RMI1: variants seen among roughly 807,000 people sequenced by gnomAD.
RMI1 encodes recQ-mediated genome instability protein 1.
A neutral mutation model predicts 46.7 loss-of-function variants in RMI1; 36 were observed. That is an observed-to-expected ratio of 0.77 (90% CI 0.59 to 1.02). The LOEUF is 1.02. RMI1 is among the 50% of genes least tolerant of loss of function. RMI1 has a pLI of 0.00. For synonymous variants in RMI1, 250 were observed against 252.9 expected (o/e 0.99, Z 0.11); for missense variants, 676 against 713.7 (o/e 0.95, Z 0.60).
intron 1 of RMI1, among the ~76,000 whole-genome samples, chr9:83,992,117 A>G (rs1957583834): frequency 6.6e-6 from 1 of 152,234 alleles, no homozygotes; most frequent in African/African-American, 2.4e-5. Context: ...CCATGAACAC[A>G]TCCATATCTC....
At chr9:83,989,799 A>G (rs1957542553) in intron 1 of RMI1, among the ~76,000 whole-genome samples, 1 of 152,208 alleles carries the variant, frequency 6.6e-6, no homozygotes, top group South Asian at 2.1e-4. Context: ...TCCTCAAAAA[A>G]ATCAAAATAG....
chr9:83,999,560 CA>C (rs953906743), intron 1 of RMI1, 148 bp from the exon 2 acceptor site: 3 of 152,124 alleles, frequency 2.0e-5, no homozygotes, highest in African/African-American at 7.2e-5. Context: ...GAAAAGGAAA[CA>C]GGCTTAGAGA....
At position 84,002,505 on chromosome 9, in the gene RMI1, A is replaced by G. The variant is rs762300624; in HGVS notation, c.1519A>G (p.Thr507Ala). The G allele has an allele frequency of 8.1e-6, 13 of 1,614,030 alleles. No individual in the cohort carries two copies. The highest frequency in any genetic ancestry group is 3.3e-5 in the Admixed American group (2 of 60,022). The change falls in exon 3 of 3, where the codon ACA becomes GCA. Residue 507 changes from threonine (T) to alanine (A), a missense_variant. By Grantham distance (58) the Thr-to-Ala change is moderately conservative. Coordinates refer to ENST00000445877, the MANE Select transcript of RMI1 (RefSeq NM_001358291.2). ...GGCCAGCAAACCAAAGGAAGTTACA[A>G]CAGTGAAAGTGAAAGCATTTATTGT... is the stretch of plus-strand genomic sequence containing the variant. ...LMASKPKEVT[T>A]VKVKAFIVTL...
In RMI1 at chr9:84,002,238, G is replaced by T; in HGVS notation, c.1252G>T (p.Glu418Ter). Residue 418 changes from glutamate to a stop codon, truncating the protein, a stop_gained, in exon 3 of 3, where the codon GAA (glutamate) becomes TAA (stop). Coordinates refer to ENST00000445877, the MANE Select transcript of RMI1 (RefSeq NM_001358291.2). LOFTEE classifies it high-confidence loss of function. ...CTTAGCCCATGATTTTACAAATAAA[G>T]AAAAGAACTTAGAGACAGATAATAA... ...VPLAHDFTNK[E>*]KNLETDNKIK... The T allele has an allele frequency of 1.2e-6, 2 of 1,606,210 alleles. No homozygotes were observed. Among genetic ancestry groups the T allele is most frequent in the Non-Finnish European group, 1.7e-6 (2 of 1,177,944 alleles).
At chr9:83,987,115 G>C (rs796002) in intron 1 of RMI1, among the ~76,000 whole-genome samples, 75,407 of 151,798 alleles carry the variant, frequency 0.5, 18,976 homozygotes, top group Middle Eastern at 0.61. Flanking sequence ...CCATGCTGGA[G>C]TGCAGTGGGA....
chr9:84,001,742 T>TG lies in RMI1; in HGVS notation c.757dup (p.Glu253GlyfsTer3), dbSNP rs774349253. On this transcript the variant is annotated frameshift_variant, in exon 3 of 3. Transcript: ENST00000445877. LOFTEE classifies it high-confidence loss of function. ...ATGAAGAACTCTTGGCAAGTCTTGA[T>TG]GAAAATGATGAGCTTACAGCAAATA... The TG allele has an allele frequency of 3.1e-6, 5 of 1,613,902 alleles. No homozygotes were observed. The African/African-American group carries it at 6.7e-5, about 22-fold the overall frequency.
At chr9:83,981,774 G>C (rs540581518) in intron 1 of RMI1, among the ~76,000 whole-genome samples, 105 of 152,302 alleles carry the variant, frequency 6.9e-4, no homozygotes, top group African/African-American at 2.4e-3. Context: ...CTGTTATAAT[G>C]TTTCCTTCTT....
intron 1 of RMI1, among the ~76,000 whole-genome samples, chr9:83,992,123 ATC>A (rs1211393128): frequency 1.3e-5 from 2 of 152,182 alleles, no homozygotes; most frequent in African/African-American, 4.8e-5. Context: ...ACACATCCAT[ATC>A]TCTCCATTTG....
At chr9:83,984,592 G>A (rs979414755) in intron 1 of RMI1, among the ~76,000 whole-genome samples, 3 of 150,390 alleles carry the variant, frequency 2.0e-5, no homozygotes, top group African/African-American at 2.4e-5. Flanking sequence ...ACAAAGTTTC[G>A]TTCTTGTTGC....
chr9:83,980,804 G>C (rs898308806), upstream of RMI1: 1 of 152,354 alleles, frequency 6.6e-6, no homozygotes, highest in African/African-American at 2.4e-5. Context: ...GGTAAAAAAG[G>C]AACTGGGAGC....
chr9:83,996,674 C>G (rs570730331), intron 1 of RMI1, among the ~76,000 whole-genome samples: 1 of 152,068 alleles, frequency 6.6e-6, no homozygotes, highest in South Asian at 2.1e-4. Flanking sequence ...TAGATTAGTT[C>G]GTTCTTGTTC....
At position 84,001,551 on chromosome 9, in the gene RMI1, G is replaced by A. The variant is rs1957737009; in HGVS notation, c.565G>A (p.Val189Met). The A allele has an allele frequency of 2.5e-6, 4 of 1,613,830 alleles. No homozygotes were observed. The highest frequency in any genetic ancestry group is 1.6e-4 in the Middle Eastern group (1 of 6,062). Residue 189 changes from valine (V) to methionine (M), a missense_variant, in exon 3 of 3, where the codon GTG becomes ATG. Coordinates refer to ENST00000445877, the MANE Select transcript of RMI1 (RefSeq NM_001358291.2). ...VLLLKPENVKVLGGEVDALLE... is the reference protein window; with the variant it reads ...VLLLKPENVKMLGGEVDALLE... ...CTTATTGAAACCAGAAAACGTGAAA[G>A]TGTTAGGAGGTGAAGTAGATGCTCT...
rs773914673 is a variant in RMI1 at position 84,002,287 on chromosome 9, A to G, written c.1301A>G (p.Asp434Gly). ...DNKIKQTSSS[D>G]SHSLNNKILN... is the part of the protein sequence containing the mutation. Reference sequence around the variant, plus strand: ...AAAATAAAACAAACCAGCAGTTCAGATAGCCATTCCTTAAATAATAAAATA... The same window carrying G: ...AAAATAAAACAAACCAGCAGTTCAGGTAGCCATTCCTTAAATAATAAAATA... The change falls in exon 3 of 3, where the codon GAT becomes GGT. Residue 434 changes from aspartate to glycine, a missense_variant. Transcript: ENST00000445877. 1 of 1,603,662 alleles carries G rather than the reference A, an allele frequency of 6.2e-7. No homozygotes were observed. Among genetic ancestry groups the G allele is most frequent in the South Asian group, 1.1e-5 (1 of 90,326 alleles).
chr9:84,001,969 A>T lies in RMI1; in HGVS notation c.983A>T (p.Lys328Ile), dbSNP rs1283507766. ...EALLLEETVQKEQMETKELQP... is the reference protein window; with the variant it reads ...EALLLEETVQIEQMETKELQP... ...TTGCTTTTAGAAGAAACTGTCCAGA[A>T]AGAACAGATGGAAACTAAGGAATTG... The change falls in exon 3 of 3, where the codon AAA (lysine) becomes ATA (isoleucine). Residue 328 changes from lysine to isoleucine, a missense_variant. Physicochemically the swap from Lys to Ile is moderately radical, Grantham distance 102. Coordinates refer to ENST00000445877, the MANE Select transcript of RMI1 (RefSeq NM_001358291.2). The T allele has an allele frequency of 3.1e-6, 5 of 1,613,726 alleles. No individual in the cohort carries two copies. The highest frequency in any genetic ancestry group is 3.3e-5 in the Admixed American group (2 of 59,992).
At chr9:83,998,962 GA>G (rs1377630396) in intron 1 of RMI1, among the ~76,000 whole-genome samples, 1 of 152,012 alleles carries the variant, frequency 6.6e-6, no homozygotes, top group African/African-American at 2.4e-5. Context: ...CCAACATGGC[GA>G]AACCCTGTCT....
intron 1 of RMI1, among the ~76,000 whole-genome samples, chr9:83,992,341 C>T (rs534619876): frequency 6.6e-6 from 1 of 152,130 alleles, no homozygotes; most frequent in East Asian, 1.9e-4. Context: ...GTAACTCATG[C>T]CTGAATAAGC....
chr9:83,984,336 C>A (rs1198428524), intron 1 of RMI1, among the ~76,000 whole-genome samples: 1 of 149,074 alleles, frequency 6.7e-6, no homozygotes, highest in Non-Finnish European at 1.5e-5. Context: ...GTGGCGCAAT[C>A]TCGGCTCACT....
chr9:83,983,973 A>G (rs1957454647), intron 1 of RMI1, among the ~76,000 whole-genome samples: 1 of 152,060 alleles, frequency 6.6e-6, no homozygotes, highest in Non-Finnish European at 1.5e-5. Context: ...AGTGCTATGT[A>G]TTTAACTTTT....
At chr9:83,984,535 G>T (rs983644187) in intron 1 of RMI1, among the ~76,000 whole-genome samples, 1 of 151,692 alleles carries the variant, frequency 6.6e-6, no homozygotes, top group Non-Finnish European at 1.5e-5. Context: ...GCCTACCAAA[G>T]TGCTGGGATT....
Sources: allele counts gnomAD v4.1 joint callset (sites outside exome capture counted in the v4.1 genomes callset), GRCh38; gene constraint gnomAD v4.1.1; transcripts MANE v1.5; gene names NCBI Gene and HGNC (gene_info 2026-07-23, HGNC 2026-07-21).